VWC2L: variants seen among roughly 807,000 people sequenced by gnomAD.
The protein encoded by VWC2L is von Willebrand factor C domain containing 2 like.
A neutral mutation model predicts 21.6 loss-of-function variants in VWC2L; 10 were observed. That is an observed-to-expected ratio of 0.46 (90% CI 0.29 to 0.78). The LOEUF (loss-of-function observed/expected upper bound fraction) is 0.78, where lower values mean the gene tolerates loss of function less well. Ranked by LOEUF, VWC2L falls within the 30% of genes least tolerant of loss-of-function variation. The probability of loss-of-function intolerance (pLI) is 0.10; values close to 1 mark genes in which losing one functional copy is unlikely to be tolerated. For synonymous variants in VWC2L, 96 were observed against 94.3 expected, an observed-to-expected ratio of 1.02 and a Z score of -0.10; for missense variants, 209 against 277.1, an observed-to-expected ratio of 0.75 and a Z score of 1.74.
chr2:214,496,392 T>G (rs912610070), intron 3 of VWC2L, among the ~76,000 whole-genome samples: 1 of 152,130 alleles, frequency 6.6e-6, no homozygotes, highest in Non-Finnish European at 1.5e-5. Flanking sequence ...CTCACAATAA[T>G]AGGCATCCTC....
At position 214,447,593 on chromosome 2, in the gene VWC2L, T is replaced by C. The variant is rs185721379; in HGVS notation, c.520+10835T>C. Among the ~76,000 whole-genome samples the C allele has an allele frequency of 2.5e-3, 374 of 152,232 alleles. 2 individuals are homozygous for C. Among genetic ancestry groups the C allele is most frequent in the Middle Eastern group, 0.014 (4 of 294 alleles). ...CCCTGAACTGGTTTTGTGTAACCTTTGTGCAGGCTGACAAAAATAAAAACA... is the reference window on the plus strand; with the variant it reads ...CCCTGAACTGGTTTTGTGTAACCTTCGTGCAGGCTGACAAAAATAAAAACA... On this transcript the variant is annotated intron_variant, in intron 3 of 3. Coordinates refer to ENST00000312504, the MANE Select transcript of VWC2L (RefSeq NM_001080500.4).
chr2:214,538,432 C>T (rs1422199146), intron 3 of VWC2L, among the ~76,000 whole-genome samples: 1 of 152,076 alleles, frequency 6.6e-6, no homozygotes, highest in African/African-American at 2.4e-5. Context: ...ATCCATTCAA[C>T]AAAAATGTGT....
intron 3 of VWC2L, among the ~76,000 whole-genome samples, chr2:214,572,654 C>T (rs1354104671): frequency 6.6e-6 from 1 of 152,130 alleles, no homozygotes; most frequent in African/African-American, 2.4e-5. Context: ...GGGCTAAAAC[C>T]AGAATCATTT....
intron 3 of VWC2L, among the ~76,000 whole-genome samples, chr2:214,500,648 G>T (rs1688878524): frequency 6.6e-6 from 1 of 152,142 alleles, no homozygotes; most frequent in Admixed American, 6.5e-5. Flanking sequence ...TGGGCCTTAT[G>T]GCCCCTTTAT....
At chr2:214,495,050 A>G (rs946934727) in intron 3 of VWC2L, among the ~76,000 whole-genome samples, 1 of 152,170 alleles carries the variant, frequency 6.6e-6, no homozygotes, top group African/African-American at 2.4e-5. Context: ...AAATTTTCAT[A>G]AACAACTATG....
intron 3 of VWC2L, among the ~76,000 whole-genome samples, chr2:214,516,721 G>C (rs1481152166): frequency 6.6e-6 from 1 of 151,940 alleles, no homozygotes; most frequent in African/African-American, 2.4e-5. Flanking sequence ...GCAACCAGAG[G>C]GTCTTCTTTA....
intron 3 of VWC2L, among the ~76,000 whole-genome samples, chr2:214,493,300 T>A (rs1042657028): frequency 5.9e-5 from 9 of 152,210 alleles, no homozygotes; most frequent in Non-Finnish European, 1.5e-5. Flanking sequence ...TTAACACAGA[T>A]GCTACTTGAT....
At chr2:214,571,405 G>A (rs1486902511) in intron 3 of VWC2L, among the ~76,000 whole-genome samples, 4 of 152,140 alleles carry the variant, frequency 2.6e-5, no homozygotes, top group Admixed American at 6.5e-5. Context: ...ATAATTAAAC[G>A]AGACAAATTC....
intron 3 of VWC2L, among the ~76,000 whole-genome samples, chr2:214,450,109 T>C (rs1466525519): frequency 6.6e-6 from 1 of 152,178 alleles, no homozygotes; most frequent in Non-Finnish European, 1.5e-5. Context: ...GGGTTATTGA[T>C]GTCTTTGGAT....
At chr2:214,468,700 G>T (rs544996719) in intron 3 of VWC2L, among the ~76,000 whole-genome samples, 1 of 152,064 alleles carries the variant, frequency 6.6e-6, no homozygotes, top group Non-Finnish European at 1.5e-5. Context: ...GAATTAGAAC[G>T]TATAATGAGA....
At chr2:214,421,603 G>A (rs1702441021) in intron 2 of VWC2L, among the ~76,000 whole-genome samples, 2 of 151,938 alleles carry the variant, frequency 1.3e-5, no homozygotes, top group African/African-American at 4.8e-5. Flanking sequence ...TCTGAGATTT[G>A]CGGAGCTTGT....
intron 3 of VWC2L, among the ~76,000 whole-genome samples, chr2:214,446,243 C>A (rs1007961526): frequency 6.6e-6 from 1 of 152,184 alleles, no homozygotes; most frequent in African/African-American, 2.4e-5. Context: ...GTTCATGATG[C>A]AAGCATGTCC....
intron 2 of VWC2L, among the ~76,000 whole-genome samples, chr2:214,435,198 T>C (rs190727093): frequency 4.5e-4 from 68 of 152,312 alleles, no homozygotes; most frequent in African/African-American, 1.5e-3. Flanking sequence ...CTAATCTTTT[T>C]CTTAATTTGC....
intron 3 of VWC2L, among the ~76,000 whole-genome samples, chr2:214,556,142 C>T (rs576882728): frequency 6.6e-6 from 1 of 152,216 alleles, no homozygotes; most frequent in South Asian, 2.1e-4. Flanking sequence ...AGCCTGTAAT[C>T]CCAGCTACTC....
chr2:214,499,009 C>CTTTTTT (rs56085205), intron 3 of VWC2L, among the ~76,000 whole-genome samples: 7 of 83,422 alleles, frequency 8.4e-5, no homozygotes, highest in African/African-American at 2.4e-4. Context: ...TCGTACCATT[C>CTTTTTT]TTTTTTTTTT....
chr2:214,419,050 A>G (rs1210538847), intron 2 of VWC2L, among the ~76,000 whole-genome samples: 1 of 152,244 alleles, frequency 6.6e-6, no homozygotes, highest in East Asian at 1.9e-4. Context: ...AAATTGATCC[A>G]CATGTGTCAC....
intron 3 of VWC2L, among the ~76,000 whole-genome samples, chr2:214,501,257 T>C (rs1688886489): frequency 6.6e-6 from 1 of 152,162 alleles, no homozygotes; most frequent in Non-Finnish European, 1.5e-5. Context: ...TTCCCTCTGA[T>C]GAAGTGTAGA....
intron 3 of VWC2L, among the ~76,000 whole-genome samples, chr2:214,560,443 C>T (rs143378728): frequency 1.0e-3 from 159 of 152,208 alleles, no homozygotes; most frequent in African/African-American, 3.5e-3. Context: ...TGTCCCTTTC[C>T]CTGAGTGAGA....
chr2:214,467,604 A>G (rs1703237631), intron 3 of VWC2L, among the ~76,000 whole-genome samples: 1 of 152,160 alleles, frequency 6.6e-6, no homozygotes, highest in African/African-American at 2.4e-5. Flanking sequence ...TTTCTAGTGC[A>G]CTGTTACTAT....
Sources: allele counts gnomAD v4.1 joint callset (sites outside exome capture counted in the v4.1 genomes callset), GRCh38; gene constraint gnomAD v4.1.1; transcripts MANE v1.5; gene names NCBI Gene and HGNC (gene_info 2026-07-23, HGNC 2026-07-21).